The following LMBRD1 variants were observed in gnomAD, a reference collection of about 807,000 sequenced individuals.
LMBRD1 encodes the protein LMBR1 domain containing 1, also known as lysosomal cobalamin transport escort protein LMBD1.
A neutral mutation model predicts 74.8 loss-of-function variants in LMBRD1; 64 were observed. That is an observed-to-expected ratio of 0.86 (90% CI 0.70 to 1.05). The LOEUF is 1.05. Among genes scored for constraint, LMBRD1 ranks in the 50% least tolerant of loss-of-function variants. LMBRD1 has a pLI of 0.00. For missense variants in LMBRD1, 652 were observed against 645.9 expected (o/e 1.01, Z -0.10); for synonymous variants, 204 against 216.3 (o/e 0.94, Z 0.50).
intron 8 of LMBRD1, among the ~76,000 whole-genome samples, chr6:69,717,900 T>C (rs566438470): frequency 6.6e-6 from 1 of 152,272 alleles, no homozygotes; most frequent in African/African-American, 2.4e-5. Flanking sequence ...GGTTTTGCCA[T>C]ATTGCCCAAG....
chr6:69,691,717 A>G (rs1408669334), intron 14 of LMBRD1, among the ~76,000 whole-genome samples: 1 of 152,012 alleles, frequency 6.6e-6, no homozygotes, highest in Non-Finnish European at 1.5e-5. Context: ...TCTACTAAAA[A>G]TACAAAAAAT....
chr6:69,753,816 C>T (rs900056762), intron 3 of LMBRD1, among the ~76,000 whole-genome samples: 15 of 152,150 alleles, frequency 9.9e-5, no homozygotes, highest in Non-Finnish European at 1.2e-4. Context: ...TCGTGGGCAC[C>T]TGTATTCCCA....
chr6:69,790,245 G>T, intron 2 of LMBRD1, 51 bp downstream of exon 2: 1 of 1,243,150 alleles, frequency 8.0e-7, no homozygotes, highest in Non-Finnish European at 1.2e-6. Context: ...ACTGCCAAGT[G>T]TGCCAGAAAT....
intron 7 of LMBRD1, 123 bp downstream of exon 7, chr6:69,737,819 G>T: frequency 1.3e-6 from 1 of 747,158 alleles, no homozygotes; most frequent in Non-Finnish European, 2.3e-6. Flanking sequence ...AAAGAAAACT[G>T]AAGAAAAATT....
At chr6:69,736,033 GA>G (rs57553689) in intron 7 of LMBRD1, among the ~76,000 whole-genome samples, 51,297 of 151,946 alleles carry the variant, frequency 0.34, 9,713 homozygotes, top group East Asian at 0.54. Context: ...TCAGATGTTA[GA>G]AACTATTCCT....
intron 1 of LMBRD1, 61 bp from the exon 2 acceptor site, chr6:69,790,533 T>C: frequency 6.5e-7 from 1 of 1,548,006 alleles, no homozygotes; most frequent in Non-Finnish European, 8.9e-7. Context: ...GATTTTTGTA[T>C]GTGTTTGAAA....
intron 8 of LMBRD1, among the ~76,000 whole-genome samples, chr6:69,718,443 C>T (rs1168280166): frequency 6.6e-6 from 1 of 152,070 alleles, no homozygotes; most frequent in Non-Finnish European, 1.5e-5. Flanking sequence ...AAAATATAGA[C>T]ATGGTTTTGT....
chr6:69,764,233 A>G (rs1765432156), intron 3 of LMBRD1, among the ~76,000 whole-genome samples: 1 of 152,158 alleles, frequency 6.6e-6, no homozygotes, highest in South Asian at 2.1e-4. Flanking sequence ...GGAGGTAATT[A>G]GGTTCAGATG....
chr6:69,696,708 C>T (rs759562336), intron 14 of LMBRD1, among the ~76,000 whole-genome samples: 29 of 151,986 alleles, frequency 1.9e-4, no homozygotes, highest in Non-Finnish European at 4.0e-4. Flanking sequence ...CCCCACAAGG[C>T]AGAGTTAATT....
intron 9 of LMBRD1, chr6:69,705,356 C>A: frequency 1.2e-6 from 1 of 804,000 alleles, no homozygotes; most frequent in East Asian, 2.4e-5. Flanking sequence ...AGCAATTCTT[C>A]ATATAATTGA....
chr6:69,701,835 A>T, intron 10 of LMBRD1, 54 bp downstream of exon 10: 1 of 1,223,012 alleles, frequency 8.2e-7, no homozygotes, highest in Non-Finnish European at 1.2e-6. Context: ...AACAAAATGT[A>T]TATTATCATA....
chr6:69,750,548 T>C (rs1765111154), intron 4 of LMBRD1, among the ~76,000 whole-genome samples: 1 of 152,128 alleles, frequency 6.6e-6, no homozygotes, highest in Non-Finnish European at 1.5e-5. Context: ...CTAAAAATCA[T>C]CTTTTAAAAT....
At chr6:69,773,189 C>A (rs530141505) in intron 3 of LMBRD1, among the ~76,000 whole-genome samples, 3 of 152,080 alleles carry the variant, frequency 2.0e-5, no homozygotes, top group African/African-American at 7.2e-5. Context: ...GCAAGGGTGA[C>A]TGCTCATGTG....
At chr6:69,775,945 AAC>A (rs1476811706) in intron 3 of LMBRD1, among the ~76,000 whole-genome samples, 2 of 152,240 alleles carry the variant, frequency 1.3e-5, no homozygotes, top group Admixed American at 1.3e-4. Context: ...CCAATGATAA[AAC>A]TGAAGCTTTC....
intron 7 of LMBRD1, among the ~76,000 whole-genome samples, chr6:69,719,859 T>C (rs1423136433): frequency 1.3e-5 from 2 of 152,200 alleles, no homozygotes; most frequent in Non-Finnish European, 2.9e-5. Flanking sequence ...ACTTTCCTTC[T>C]GGCACACTTT....
intron 7 of LMBRD1, among the ~76,000 whole-genome samples, chr6:69,730,986 A>C (rs924552232): frequency 3.3e-5 from 5 of 152,134 alleles, no homozygotes; most frequent in African/African-American, 2.4e-5. Flanking sequence ...AGATAAGAAT[A>C]GAACACACAA....
intron 3 of LMBRD1, among the ~76,000 whole-genome samples, chr6:69,754,249 A>G (rs1765226049): frequency 6.6e-6 from 1 of 151,996 alleles, no homozygotes; most frequent in Admixed American, 6.5e-5. Flanking sequence ...TATATTTAAT[A>G]CCACTGAATA....
At chr6:69,791,858 G>A (rs966135139) in intron 1 of LMBRD1, among the ~76,000 whole-genome samples, 1 of 152,164 alleles carries the variant, frequency 6.6e-6, no homozygotes, top group Non-Finnish European at 1.5e-5. Flanking sequence ...TCCATGACTA[G>A]AGGCTAAGGG....
At chr6:69,753,928 G>C (rs1159059081) in intron 3 of LMBRD1, among the ~76,000 whole-genome samples, 1 of 149,172 alleles carries the variant, frequency 6.7e-6, no homozygotes, top group African/African-American at 2.5e-5. Flanking sequence ...GCGAGAGAGA[G>C]ACTCCGTCTC....
Sources: gnomAD v4.1 joint callset for allele counts (sites outside exome capture counted in the v4.1 genomes callset) on GRCh38, gnomAD v4.1.1 for gene constraint, MANE v1.5 for transcripts, NCBI Gene and HGNC (gene_info 2026-07-23, HGNC 2026-07-21) for gene names.